The following CNTN5 variants were observed in gnomAD, a reference collection of about 807,000 sequenced individuals.
CNTN5 encodes the protein contactin 5.
A neutral mutation model predicts 129.1 loss-of-function variants in CNTN5; 77 were observed. The observed-to-expected ratio is 0.60, with a 90% CI of 0.50 to 0.72. The LOEUF (loss-of-function observed/expected upper bound fraction) is 0.72, where lower values mean the gene tolerates loss of function less well. Among genes scored for constraint, CNTN5 ranks in the 30% least tolerant of loss-of-function variants. The pLI, the probability that CNTN5 is intolerant of heterozygous loss-of-function variation, is 0.00. For missense variants in CNTN5, 1,478 were observed against 1,328.8 expected (o/e 1.11, Z -1.75); for synonymous variants, 509 against 465.6 (o/e 1.09, Z -1.20).
chr11:99,369,946 A>G (rs928853565), intron 2 of CNTN5, among the ~76,000 whole-genome samples: 1 of 152,196 alleles, frequency 6.6e-6, no homozygotes, highest in African/African-American at 2.4e-5. Context: ...CTGTGAGGAC[A>G]GATAACAGGC....
intron 3 of CNTN5, among the ~76,000 whole-genome samples, chr11:99,778,271 C>A (rs1180729309): frequency 6.6e-6 from 1 of 151,704 alleles, no homozygotes; most frequent in African/African-American, 2.4e-5. Flanking sequence ...TCAGCTGACT[C>A]TATTAAAGAC....
At chr11:100,129,794 A>C (rs1259138848) in intron 13 of CNTN5, among the ~76,000 whole-genome samples, 1 of 152,016 alleles carries the variant, frequency 6.6e-6, no homozygotes, top group Non-Finnish European at 1.5e-5. Flanking sequence ...GAAAGCTACA[A>C]TTAGTATGTA....
At chr11:99,347,684 G>A (rs913326461) in intron 2 of CNTN5, among the ~76,000 whole-genome samples, 6 of 151,694 alleles carry the variant, frequency 4.0e-5, no homozygotes, top group Non-Finnish European at 5.9e-5. Context: ...TTTAGTATGC[G>A]TTATTTGCAT....
chr11:100,345,371 T>C (rs1258577467), intron 23 of CNTN5, among the ~76,000 whole-genome samples: 2 of 152,122 alleles, frequency 1.3e-5, no homozygotes, highest in African/African-American at 4.8e-5. Flanking sequence ...AAAGGAGAAG[T>C]CCTTGTGATA....
At chr11:99,745,981 G>A (rs1332488789) in intron 3 of CNTN5, among the ~76,000 whole-genome samples, 1 of 152,102 alleles carries the variant, frequency 6.6e-6, no homozygotes, top group Non-Finnish European at 1.5e-5. Context: ...ATATGTTCAG[G>A]GAAGTATTAC....
intron 1 of CNTN5, among the ~76,000 whole-genome samples, chr11:99,251,465 A>T (rs1005974718): frequency 6.6e-6 from 1 of 151,872 alleles, no homozygotes; most frequent in Non-Finnish European, 1.5e-5. Flanking sequence ...TAGAAATAGT[A>T]TCTTCCATAT....
intron 4 of CNTN5, among the ~76,000 whole-genome samples, chr11:99,820,760 G>A (rs117294596): frequency 0.043 from 6,485 of 152,290 alleles, 202 homozygotes; most frequent in Non-Finnish European, 0.061. Flanking sequence ...AGGTATCATA[G>A]CTAATTTTCA....
At chr11:99,388,036 A>C (rs1231378953) in intron 2 of CNTN5, among the ~76,000 whole-genome samples, 1 of 152,152 alleles carries the variant, frequency 6.6e-6, no homozygotes, top group Non-Finnish European at 1.5e-5. Flanking sequence ...ACAACTCCTG[A>C]TTCTCCTACA....
At chr11:99,875,043 A>T (rs551806737) in intron 6 of CNTN5, among the ~76,000 whole-genome samples, 1 of 152,294 alleles carries the variant, frequency 6.6e-6, no homozygotes, top group East Asian at 1.9e-4. Flanking sequence ...GGAGGTGCTC[A>T]TTGCTGTAGC....
chr11:99,369,674 G>T (rs777306344), intron 2 of CNTN5, among the ~76,000 whole-genome samples: 40 of 152,010 alleles, frequency 2.6e-4, no homozygotes, highest in Non-Finnish European at 4.4e-4. Context: ...TAGAAAGGAG[G>T]TAAAAATTAT....
intron 13 of CNTN5, among the ~76,000 whole-genome samples, chr11:100,153,517 G>A (rs1214118648): frequency 6.6e-6 from 1 of 152,026 alleles, no homozygotes; most frequent in African/African-American, 2.4e-5. Context: ...TTGTTTTGAT[G>A]TACTTCGTAT....
chr11:99,131,947 A>C (rs1171981811), intron 1 of CNTN5, among the ~76,000 whole-genome samples: 1 of 152,200 alleles, frequency 6.6e-6, no homozygotes, highest in Non-Finnish European at 1.5e-5. Flanking sequence ...GATGCAACAA[A>C]AAAAGATAAC....
intron 3 of CNTN5, among the ~76,000 whole-genome samples, chr11:99,672,846 C>T (rs10893688): frequency 0.26 from 39,898 of 151,470 alleles, 5,303 homozygotes; most frequent in South Asian, 0.4. Flanking sequence ...ATTCCAAAAA[C>T]AGAAAGGGCA....
At chr11:99,657,078 A>G (rs1952399228) in intron 3 of CNTN5, among the ~76,000 whole-genome samples, 1 of 151,648 alleles carries the variant, frequency 6.6e-6, no homozygotes, top group African/African-American at 2.4e-5. Context: ...AAAAAAAAAA[A>G]AGAGAAAAAA....
At chr11:99,500,339 TA>T (rs35074396) in intron 2 of CNTN5, among the ~76,000 whole-genome samples, 6 of 152,160 alleles carry the variant, frequency 3.9e-5, no homozygotes, top group African/African-American at 1.4e-4. Flanking sequence ...ATGATACCTT[TA>T]AAAAAAGTTG....
At chr11:100,281,455 A>G (rs1950637660) in intron 18 of CNTN5, among the ~76,000 whole-genome samples, 1 of 152,132 alleles carries the variant, frequency 6.6e-6, no homozygotes, top group South Asian at 2.1e-4. Flanking sequence ...GTCTGCTGCC[A>G]GACATATTGG....
chr11:100,295,953 A>T (rs572360), intron 18 of CNTN5, among the ~76,000 whole-genome samples: 85,159 of 151,282 alleles, frequency 0.56, 24,249 homozygotes, highest in African/African-American at 0.59. Flanking sequence ...AAAAAAACAA[A>T]AATACTAAGA....
At chr11:100,349,894 C>T (rs1210123926) in intron 23 of CNTN5, among the ~76,000 whole-genome samples, 1 of 151,774 alleles carries the variant, frequency 6.6e-6, no homozygotes, top group Admixed American at 6.6e-5. Context: ...TAACTAGCCA[C>T]ACGGTCTTGT....
At chr11:99,941,050 C>G (rs1023524500) in intron 7 of CNTN5, among the ~76,000 whole-genome samples, 1 of 152,042 alleles carries the variant, frequency 6.6e-6, no homozygotes, top group Non-Finnish European at 1.5e-5. Flanking sequence ...TCTTCCAGTT[C>G]ATTTAAAAAT....
Sources: gnomAD v4.1 joint callset for allele counts (sites outside exome capture counted in the v4.1 genomes callset) on GRCh38, gnomAD v4.1.1 for gene constraint, MANE v1.5 for transcripts, NCBI Gene and HGNC (gene_info 2026-07-23, HGNC 2026-07-21) for gene names.